The following CMYA5 variants were observed in gnomAD, a reference collection of about 807,000 sequenced individuals.
CMYA5 encodes cardiomyopathy-associated protein 5.
CMYA5 carries 246 observed loss-of-function variants against 318.9 expected under a neutral mutation model. The ratio of observed to expected loss-of-function variants is 0.77; its 90% CI spans 0.70 to 0.86. The LOEUF (loss-of-function observed/expected upper bound fraction) is 0.86. Among genes scored for constraint, CMYA5 ranks in the 40% least tolerant of loss-of-function variants. The pLI is 0.00. For missense variants in CMYA5, 4,589 were observed against 4,678.2 expected (o/e 0.98, Z 0.56); for synonymous variants, 1,641 against 1,729.5 (o/e 0.95, Z 1.27).
chr5:79,767,856 T>C (rs1828782900), intron 9 of CMYA5, among the ~76,000 whole-genome samples: 1 of 151,802 alleles, frequency 6.6e-6, no homozygotes, highest in Non-Finnish European at 1.5e-5. Context: ...CCTGAATATG[T>C]TAATTTTCTG....
chr5:79,791,646 G>A (rs561847082), intron 11 of CMYA5, among the ~76,000 whole-genome samples: 10 of 151,126 alleles, frequency 6.6e-5, no homozygotes, highest in Admixed American at 2.0e-4. Context: ...CTTGAACCTC[G>A]GAGGTGGAGG....
chr5:79,772,027 A>AAAAAG (rs780608650), intron 9 of CMYA5, among the ~76,000 whole-genome samples: 1 of 152,184 alleles, frequency 6.6e-6, no homozygotes, highest in Non-Finnish European at 1.5e-5. Context: ...AAAAAAAAGG[A>AAAAAG]AAAAGAAAAG....
chr5:79,713,570 T>C (rs1331411609), intron 1 of CMYA5, among the ~76,000 whole-genome samples: 2 of 152,110 alleles, frequency 1.3e-5, no homozygotes, highest in Admixed American at 1.3e-4. Flanking sequence ...CTCGGATGTG[T>C]GCTTGCAGTT....
At chr5:79,701,090 C>CAAAAAAA (rs1554097982) in intron 1 of CMYA5, among the ~76,000 whole-genome samples, 9 of 114,930 alleles carry the variant, frequency 7.8e-5, no homozygotes, top group African/African-American at 2.8e-4. Flanking sequence ...ACTAAAAATA[C>CAAAAAAA]AAAAAAAAAA....
Position 79,737,840 on chromosome 5 carries a change from TA to T in CMYA5, c.9077del (p.Lys3026ArgfsTer33). 2 of 1,603,330 alleles carry T rather than the reference TA, an allele frequency of 1.2e-6. No homozygotes were observed. Among genetic ancestry groups the T allele is most frequent in the Non-Finnish European group, 1.7e-6 (2 of 1,177,276 alleles). On this transcript the variant is annotated frameshift_variant, in exon 2 of 13. Transcript: ENST00000446378. LOFTEE classifies it high-confidence loss of function. ...AAGAAAATAAACAAAAGGAAACTCA[TA>T]AGACAAAAGAAGAGATATCCACAGA... ...LKENKQKETH[K>X]TKEEISTDSE...
Position 79,729,673 on chromosome 5 carries a change from GGA to G in CMYA5, c.912_913del (p.Gly305ArgfsTer16). 6.2e-7 allele frequency: 1 copy of G among 1,613,644 alleles called. No individual in the cohort carries two copies. Among genetic ancestry groups the G allele is most frequent in the Non-Finnish European group, 8.5e-7 (1 of 1,179,802 alleles). On this transcript the variant is annotated frameshift_variant, in exon 2 of 13. Transcript: ENST00000446378. LOFTEE classifies it high-confidence loss of function. The stretch of plus-strand genomic sequence containing the variant: ...AAAGTAAAAGAGGTTTTTCCACCCT[GGA>G]GAGGCGCACTCTCCAAAGGATCAGA...
At chr5:79,727,152 G>A (rs1827766452) in intron 1 of CMYA5, among the ~76,000 whole-genome samples, 1 of 152,054 alleles carries the variant, frequency 6.6e-6, no homozygotes, top group Non-Finnish European at 1.5e-5. Flanking sequence ...CTGACCTCAG[G>A]TGATCCACCC....
chr5:79,736,235 A>G lies in CMYA5; in HGVS notation c.7470A>G (p.Glu2490=), dbSNP rs770616564. 1.9e-6 allele frequency: 3 copies of G among 1,613,418 alleles called. No homozygotes were observed. In the East Asian group the frequency reaches 6.7e-5, roughly 36 times the overall value. Residue 2490 remains glutamate (E), a synonymous_variant, in exon 2 of 13, where the codon GAA becomes GAG. Coordinates refer to ENST00000446378, the MANE Select transcript of CMYA5 (RefSeq NM_153610.5). Reference sequence around the variant, plus strand: ...CATTAGAGCTTAGAGATAGTAATGAAATAGGGAAGACACAAATTACACTTG... The same window carrying G: ...CATTAGAGCTTAGAGATAGTAATGAGATAGGGAAGACACAAATTACACTTG... ...VAPLELRDSN[E]IGKTQITLGS...
chr5:79,778,829 G>GTA (rs1828995628), intron 9 of CMYA5, among the ~76,000 whole-genome samples: 3 of 117,656 alleles, frequency 2.5e-5, no homozygotes, highest in Admixed American at 1.8e-4. Flanking sequence ...GTGTGTGTGT[G>GTA]TGTGTGTATG....
At chr5:79,700,033 T>C (rs972193683) in intron 1 of CMYA5, among the ~76,000 whole-genome samples, 1 of 152,176 alleles carries the variant, frequency 6.6e-6, no homozygotes, top group African/African-American at 2.4e-5. Context: ...GCCTTATTTA[T>C]CTGAATAACT....
At position 79,736,156 on chromosome 5, in the gene CMYA5, CA is replaced by C. The variant is rs948234028; in HGVS notation, c.7392del (p.Tyr2465IlefsTer19). On this transcript the variant is annotated frameshift_variant, in exon 2 of 13. Transcript: ENST00000446378. LOFTEE classifies it high-confidence loss of function. ...TEKKDNLENR[S>X]YTLAEKKVLA... ...AAGAAAGATAATTTGGAAAACAGAT[CA>C]TATACCTTGGCAGAAAAGAAGGTGC... is the stretch of plus-strand genomic sequence containing the variant. The C allele has an allele frequency of 1.2e-6, 2 of 1,613,738 alleles. No individual in the cohort carries two copies. The highest frequency in any genetic ancestry group is 1.7e-5 in the Admixed American group (1 of 59,966).
At chr5:79,720,437 TTTTTTTTTTTTTTTTTGAGAAGGAG>T (rs1415127066) in intron 1 of CMYA5, among the ~76,000 whole-genome samples, 6 of 145,568 alleles carry the variant, frequency 4.1e-5, no homozygotes, top group Non-Finnish European at 9.0e-5. Context: ...AATTTTTTTT[TTTTTTTTTTTTTTTTTGAGAAGGAG>T]TTTTGCTCTT....
chr5:79,733,051 C>G lies in CMYA5; in HGVS notation c.4286C>G (p.Thr1429Ser). ...VAIKGASPIE[T>S]SSKHLAWSEA... is the part of the protein sequence containing the mutation. ...ATTAAAGGTGCTTCTCCCATTGAAA[C>G]TTCATCCAAACATTTAGCTTGGTCA... Residue 1429 changes from threonine to serine, a missense_variant, in exon 2 of 13, where the codon ACT becomes AGT. Physicochemically the swap from Thr to Ser is moderately conservative, Grantham distance 58. Coordinates refer to ENST00000446378, the MANE Select transcript of CMYA5 (RefSeq NM_153610.5). The G allele has an allele frequency of 6.2e-7, 1 of 1,613,424 alleles. No individual in the cohort carries two copies. The highest frequency in any genetic ancestry group is 8.5e-7 in the Non-Finnish European group (1 of 1,179,670).
intron 1 of CMYA5, among the ~76,000 whole-genome samples, chr5:79,715,478 AG>A (rs1561199654): frequency 1.3e-5 from 2 of 151,918 alleles, no homozygotes; most frequent in East Asian, 1.9e-4. Context: ...TAGTAGAGAC[AG>A]GGTTTCACTG....
chr5:79,737,355 C>T lies in CMYA5; in HGVS notation c.8590C>T (p.Gln2864Ter), dbSNP rs775871003. Residue 2864 changes from glutamine to a stop codon, truncating the protein, a stop_gained, in exon 2 of 13, where the codon CAA becomes TAA. Transcript: ENST00000446378. LOFTEE classifies it high-confidence loss of function. ...AGATGACACATCCGATGTGCCTAAACAATCTGTTCTTGTTTCAAAGCACCA... is the reference window on the plus strand; with the variant it reads ...AGATGACACATCCGATGTGCCTAAATAATCTGTTCTTGTTTCAAAGCACCA... ...SKDDTSDVPK[Q>*]SVLVSKHHLE... is the part of the protein sequence containing the mutation. 28 of 1,613,862 alleles carry T rather than the reference C, an allele frequency of 1.7e-5. No homozygotes were observed. Among genetic ancestry groups the T allele is most frequent in the Non-Finnish European group, 2.1e-5 (25 of 1,179,828 alleles).
chr5:79,758,161 C>T (rs891271041), intron 6 of CMYA5, among the ~76,000 whole-genome samples: 59 of 151,574 alleles, frequency 3.9e-4, no homozygotes, highest in African/African-American at 4.6e-4. Context: ...ACCCGGGAGG[C>T]GGAGGTTGCA....
At chr5:79,798,276 A>G (rs1829307514) in intron 12 of CMYA5, among the ~76,000 whole-genome samples, 1 of 151,920 alleles carries the variant, frequency 6.6e-6, no homozygotes. Context: ...GCTTACCCAG[A>G]TTCTTAGGTC....
chr5:79,739,939 C>T (rs114968469), intron 2 of CMYA5, among the ~76,000 whole-genome samples: 116 of 151,742 alleles, frequency 7.6e-4, no homozygotes, highest in African/African-American at 2.6e-3. Flanking sequence ...GCTGAGATCC[C>T]GCCACTGCAC....
At chr5:79,792,437 C>T (rs2151101125) in intron 11 of CMYA5, among the ~76,000 whole-genome samples, 1 of 152,232 alleles carries the variant, frequency 6.6e-6, no homozygotes, top group African/African-American at 2.4e-5. Context: ...CAGATAATAA[C>T]TGATGATAAC....
Sources: allele counts gnomAD v4.1 joint callset (sites outside exome capture counted in the v4.1 genomes callset), GRCh38; gene constraint gnomAD v4.1.1; transcripts MANE v1.5; gene names NCBI Gene and HGNC (gene_info 2026-07-23, HGNC 2026-07-21).